GRIK2: variants seen among roughly 807,000 people sequenced by gnomAD.
The protein encoded by GRIK2 is glutamate ionotropic receptor kainate type subunit 2.
In GRIK2, 32 loss-of-function variants were observed where a neutral mutation model predicts 100.3. That is an observed-to-expected ratio of 0.32 (90% CI 0.24 to 0.43). The LOEUF (loss-of-function observed/expected upper bound fraction) is 0.43, where lower values mean the gene tolerates loss of function less well. GRIK2 is among the 20% of genes least tolerant of loss of function. GRIK2 has a pLI of 1.00. For synonymous variants in GRIK2, 417 were observed against 389.4 expected, an observed-to-expected ratio of 1.07 and a Z score of -0.83; for missense variants, 843 against 1,114.9, an observed-to-expected ratio of 0.76 and a Z score of 3.47.
chr6:101,561,069 C>A (rs1047491323), intron 2 of GRIK2, among the ~76,000 whole-genome samples: 6 of 152,090 alleles, frequency 3.9e-5, no homozygotes, highest in Admixed American at 6.6e-5. Flanking sequence ...CAAACATAGA[C>A]CCCAGCAGCA....
chr6:101,997,286 C>T (rs1794701091), intron 14 of GRIK2, among the ~76,000 whole-genome samples: 1 of 151,742 alleles, frequency 6.6e-6, no homozygotes, highest in Non-Finnish European at 1.5e-5. Context: ...TAATTATTAC[C>T]TTCTCAGCCC....
At chr6:101,485,915 CTTT>C (rs67073947) in intron 2 of GRIK2, among the ~76,000 whole-genome samples, 2 of 140,972 alleles carry the variant, frequency 1.4e-5, no homozygotes, top group Admixed American at 7.1e-5. Context: ...CACCATTGCG[CTTT>C]TTTTTTTTTT....
chr6:101,766,568 T>A (rs972966635), intron 7 of GRIK2, among the ~76,000 whole-genome samples: 1 of 152,210 alleles, frequency 6.6e-6, no homozygotes, highest in African/African-American at 2.4e-5. Flanking sequence ...TTACAACATC[T>A]AGTCATGACA....
chr6:102,069,474 T>G lies in GRIK2; in HGVS notation c.*963T>G, dbSNP rs1294069391. ...CATTCAGACATAGCAATCCAAACCCTTGTTCCTGCTGTAAATGAACTTGAT... is the reference window on the plus strand; with the variant it reads ...CATTCAGACATAGCAATCCAAACCCGTGTTCCTGCTGTAAATGAACTTGAT... On this transcript the variant is annotated 3_prime_UTR_variant, in exon 17 of 17. Transcript: ENST00000369134. The G allele has an allele frequency of 6.6e-6, 1 of 151,840 alleles. No homozygotes were observed. The highest frequency in any genetic ancestry group is 6.6e-5 in the Admixed American group (1 of 15,164). The allele number at this position is 151,840 out of a possible 1,614,324, so 9.4% of individuals were successfully genotyped here.
chr6:101,973,619 A>G (rs555481339), intron 14 of GRIK2, among the ~76,000 whole-genome samples: 3 of 152,020 alleles, frequency 2.0e-5, no homozygotes, highest in African/African-American at 7.2e-5. Flanking sequence ...ACATACTACC[A>G]ATTATAAGAT....
intron 4 of GRIK2, among the ~76,000 whole-genome samples, chr6:101,674,666 A>C (rs1770696510): frequency 6.6e-6 from 1 of 152,184 alleles, no homozygotes; most frequent in Non-Finnish European, 1.5e-5. Flanking sequence ...TAATGGATGC[A>C]TTTAATATCA....
intron 4 of GRIK2, among the ~76,000 whole-genome samples, chr6:101,648,237 A>G (rs1781621540): frequency 6.6e-6 from 1 of 152,082 alleles, no homozygotes; most frequent in Admixed American, 6.6e-5. Context: ...GTACAATTGG[A>G]AGTGGAATTG....
At chr6:101,667,742 C>CA (rs1770137422) in intron 4 of GRIK2, among the ~76,000 whole-genome samples, 1 of 151,976 alleles carries the variant, frequency 6.6e-6, no homozygotes. Flanking sequence ...ATTAATAAAA[C>CA]AATATAATGG....
intron 7 of GRIK2, among the ~76,000 whole-genome samples, chr6:101,700,245 G>T (rs889925255): frequency 4.0e-5 from 6 of 149,172 alleles, no homozygotes; most frequent in South Asian, 2.1e-4. Flanking sequence ...AATAATAATT[G>T]TTATTGTTAT....
chr6:101,739,332 G>A (rs1324234700), intron 7 of GRIK2, among the ~76,000 whole-genome samples: 2 of 152,124 alleles, frequency 1.3e-5, no homozygotes, highest in African/African-American at 4.8e-5. Context: ...ATTAATTTTT[G>A]TTTATTACAT....
chr6:101,462,587 A>G (rs1334647627), intron 2 of GRIK2, among the ~76,000 whole-genome samples: 1 of 151,116 alleles, frequency 6.6e-6, no homozygotes, highest in East Asian at 2.0e-4. Flanking sequence ...TAGATTTCCT[A>G]TTAGTATCAT....
chr6:101,471,386 C>G (rs965462867), intron 2 of GRIK2, among the ~76,000 whole-genome samples: 1 of 151,922 alleles, frequency 6.6e-6, no homozygotes, highest in Non-Finnish European at 1.5e-5. Flanking sequence ...TCACTATGGC[C>G]CCAATAGCCT....
chr6:101,760,595 T>C (rs1436020177), intron 7 of GRIK2, among the ~76,000 whole-genome samples: 1 of 91,868 alleles, frequency 1.1e-5, no homozygotes, highest in African/African-American at 5.2e-5. Context: ...TAATTATATA[T>C]AATTATATAT....
chr6:101,544,133 C>G (rs1432669534), intron 2 of GRIK2, among the ~76,000 whole-genome samples: 1 of 151,994 alleles, frequency 6.6e-6, no homozygotes, highest in Admixed American at 6.6e-5. Flanking sequence ...TACATTGTAA[C>G]CAATATAGTT....
At chr6:101,426,907 C>T (rs1200565394) in intron 2 of GRIK2, among the ~76,000 whole-genome samples, 6 of 152,266 alleles carry the variant, frequency 3.9e-5, no homozygotes, top group Admixed American at 6.5e-5. Flanking sequence ...GTGCTCTAGA[C>T]AATCCAAACA....
intron 14 of GRIK2, among the ~76,000 whole-genome samples, chr6:101,975,198 C>A (rs374482760): frequency 6.6e-6 from 1 of 151,654 alleles, no homozygotes; most frequent in African/African-American, 2.4e-5. Context: ...TACCTATGAG[C>A]CCTCCACACA....
At chr6:101,596,975 G>C (rs943990570) in intron 2 of GRIK2, among the ~76,000 whole-genome samples, 1 of 151,608 alleles carries the variant, frequency 6.6e-6, no homozygotes, top group South Asian at 2.1e-4. Context: ...AATAGCAAAG[G>C]CATGGAATCA....
chr6:101,751,371 T>C (rs1308997803), intron 7 of GRIK2, among the ~76,000 whole-genome samples: 1 of 152,216 alleles, frequency 6.6e-6, no homozygotes, highest in Admixed American at 6.5e-5. Context: ...GAACTCACTA[T>C]GGCATCTTAT....
chr6:101,898,506 A>G (rs114618502), intron 12 of GRIK2, among the ~76,000 whole-genome samples: 3,223 of 152,064 alleles, frequency 0.021, 117 homozygotes, highest in African/African-American at 0.074. Flanking sequence ...AGCTGTACTT[A>G]AGAAGTATGT....
Sources: allele counts gnomAD v4.1 joint callset (sites outside exome capture counted in the v4.1 genomes callset), GRCh38; gene constraint gnomAD v4.1.1; transcripts MANE v1.5; gene names NCBI Gene and HGNC (gene_info 2026-07-23, HGNC 2026-07-21).